Variants in RGS6 observed in about 807,000 individuals in gnomAD.
The protein encoded by RGS6 is regulator of G-protein signaling 6.
RGS6 carries 30 observed loss-of-function variants against 78.5 expected under a neutral mutation model. The ratio of observed to expected loss-of-function variants is 0.38; its 90% CI spans 0.29 to 0.52. The LOEUF (loss-of-function observed/expected upper bound fraction) is 0.52. RGS6 is among the 20% of genes least tolerant of loss of function. RGS6 has a pLI of 0.85. For missense variants in RGS6, 495 were observed against 609.7 expected (o/e 0.81, Z 1.98); for synonymous variants, 206 against 206.0 (o/e 1.00, Z 0.00).
At chr14:72,302,170 C>T (rs534144722) in intron 2 of RGS6, among the ~76,000 whole-genome samples, 3 of 152,290 alleles carry the variant, frequency 2.0e-5, no homozygotes, top group East Asian at 1.9e-4. Context: ...GTTATAGAGT[C>T]GTAGTCAATT....
chr14:72,232,655 G>C (rs949757510), intron 2 of RGS6, among the ~76,000 whole-genome samples: 1 of 152,186 alleles, frequency 6.6e-6, no homozygotes, highest in African/African-American at 2.4e-5. Flanking sequence ...GATCTGGCTT[G>C]AGGCTGGGAG....
At chr14:72,349,098 T>C (rs1395434229) in intron 2 of RGS6, among the ~76,000 whole-genome samples, 1 of 151,934 alleles carries the variant, frequency 6.6e-6, no homozygotes, top group Non-Finnish European at 1.5e-5. Flanking sequence ...ACCTGGGAGG[T>C]AGAGCTTGCA....
intron 2 of RGS6, among the ~76,000 whole-genome samples, chr14:72,316,086 CTTT>C (rs939640932): frequency 2.0e-5 from 3 of 152,190 alleles, no homozygotes; most frequent in African/African-American, 4.8e-5. Context: ...TTTGTTGTTC[CTTT>C]TCTTCCTTCA....
chr14:72,335,064 C>T (rs1376273449), intron 2 of RGS6, among the ~76,000 whole-genome samples: 1 of 138,964 alleles, frequency 7.2e-6, no homozygotes, highest in Non-Finnish European at 1.6e-5. Context: ...GTGAATAAGT[C>T]TTAGGAGGTC....
chr14:72,352,216 G>T, intron 3 of RGS6, 22 bp downstream of exon 3: 1 of 1,575,856 alleles, frequency 6.3e-7, no homozygotes. Context: ...CTTGCAAGGT[G>T]TTGGTAACAG....
At chr14:72,447,563 C>T (rs986136271) in intron 3 of RGS6, among the ~76,000 whole-genome samples, 2 of 152,208 alleles carry the variant, frequency 1.3e-5, no homozygotes, top group Non-Finnish European at 2.9e-5. Flanking sequence ...GGGTTAGACA[C>T]TTGGCTGGTA....
rs138466225 is a variant in RGS6, at chr14:72,304,244, G to T, written c.85-47851G>T. On this transcript the variant is annotated intron_variant, in intron 2 of 17. Transcript: ENST00000553525. ...GTAAACCACGATCTGTCTCTTTTAA[G>T]TGGTGTGGGGTGTTGTTTGTCTGAC... 6.4e-3 allele frequency among the ~76,000 whole-genome samples: 968 copies of T among 152,290 alleles called. 12 individuals carry two copies. The highest frequency in any genetic ancestry group is 0.023 in the African/African-American group (938 of 41,552).
the RGS6 span, among the ~76,000 whole-genome samples, chr14:72,596,110 T>G: frequency 5.9e-5 from 9 of 152,308 alleles, no homozygotes; most frequent in South Asian, 1.9e-3. Context: ...CAACACAAAT[T>G]TATTATCTTT....
At chr14:72,028,863 T>A (rs1237882963) in intron 2 of RGS6, among the ~76,000 whole-genome samples, 4 of 152,238 alleles carry the variant, frequency 2.6e-5, no homozygotes, top group African/African-American at 9.6e-5. Flanking sequence ...ATTTTCTTGA[T>A]GTCTTTCTGA....
chr14:72,159,384 A>T (rs1162055093), intron 2 of RGS6, among the ~76,000 whole-genome samples: 1 of 152,236 alleles, frequency 6.6e-6, no homozygotes, highest in African/African-American at 2.4e-5. Context: ...AGAGTAAGGC[A>T]TCTGGAGAAG....
intron 2 of RGS6, among the ~76,000 whole-genome samples, chr14:72,257,411 G>A (rs1466103398): frequency 6.6e-6 from 1 of 152,146 alleles, no homozygotes; most frequent in African/African-American, 2.4e-5. Flanking sequence ...CTTCATTGCA[G>A]TCGTTTATCA....
intron 2 of RGS6, among the ~76,000 whole-genome samples, chr14:71,982,453 A>G (rs1416509859): frequency 6.6e-6 from 1 of 152,150 alleles, no homozygotes; most frequent in Non-Finnish European, 1.5e-5. Flanking sequence ...ATAGGAATGG[A>G]TTACCTTAAT....
chr14:72,249,105 A>G (rs537090726), intron 2 of RGS6, among the ~76,000 whole-genome samples: 1 of 152,364 alleles, frequency 6.6e-6, no homozygotes, highest in South Asian at 2.1e-4. Flanking sequence ...GCTTAATAAC[A>G]TGTATACTTC....
At chr14:72,536,037 T>C (rs1281229969) in intron 15 of RGS6, 149 bp from the exon 16 acceptor site, 1 of 628,020 alleles carries the variant, frequency 1.6e-6, no homozygotes, top group African/African-American at 1.8e-5. Flanking sequence ...GGTGTGGGGA[T>C]GGAACATGTT....
At chr14:72,424,469 G>A (rs541078533) in intron 3 of RGS6, among the ~76,000 whole-genome samples, 10 of 152,258 alleles carry the variant, frequency 6.6e-5, no homozygotes, top group Non-Finnish European at 1.0e-4. Flanking sequence ...CTGAGATGCC[G>A]TTCTGTTGCT....
chr14:72,190,402 G>A (rs2097307818), intron 2 of RGS6, among the ~76,000 whole-genome samples: 1 of 152,242 alleles, frequency 6.6e-6, no homozygotes, highest in Non-Finnish European at 1.5e-5. Flanking sequence ...TGTGGAATGT[G>A]TGTGTGTGTG....
At chr14:72,409,840 T>C (rs1379767503) in intron 3 of RGS6, among the ~76,000 whole-genome samples, 2 of 152,206 alleles carry the variant, frequency 1.3e-5, no homozygotes, top group Non-Finnish European at 2.9e-5. Flanking sequence ...TGCAATAGTT[T>C]GCTGAGAATG....
At chr14:72,448,422 C>T (rs1050290714) in intron 3 of RGS6, among the ~76,000 whole-genome samples, 2 of 152,136 alleles carry the variant, frequency 1.3e-5, no homozygotes, top group Non-Finnish European at 1.5e-5. Context: ...TCATTGTGCT[C>T]ACCCTCCAAA....
chr14:71,915,657 G>T, the RGS6 span, among the ~76,000 whole-genome samples: 2 of 152,142 alleles, frequency 1.3e-5, no homozygotes, highest in African/African-American at 4.8e-5. Context: ...CAATCAGCAT[G>T]TTCATTTGTG....
Sources: gnomAD v4.1 joint callset for allele counts (sites outside exome capture counted in the v4.1 genomes callset) on GRCh38, gnomAD v4.1.1 for gene constraint, MANE v1.5 for transcripts, NCBI Gene and HGNC (gene_info 2026-07-23, HGNC 2026-07-21) for gene names.